The following PDGFRL variants were observed in gnomAD, a reference collection of about 807,000 sequenced individuals.
PDGFRL encodes platelet-derived growth factor receptor-like protein.
Under a neutral mutation model 37.2 loss-of-function variants are expected in PDGFRL, and 46 were observed. The ratio of observed to expected loss-of-function variants is 1.24; its 90% confidence interval spans 0.98 to 1.58. PDGFRL has a LOEUF of 1.58. Among genes scored for constraint, PDGFRL ranks in the 40% most tolerant of loss-of-function variants. PDGFRL has a pLI of 0.00. For synonymous variants in PDGFRL, 251 were observed against 184.3 expected (o/e 1.36, Z -2.93); for missense variants, 692 against 467.6 (o/e 1.48, Z -4.43).
chr8:17,613,245 G>A (rs891607827), intron 2 of PDGFRL, among the ~76,000 whole-genome samples: 2 of 152,146 alleles, frequency 1.3e-5, no homozygotes, highest in South Asian at 4.1e-4. Flanking sequence ...TGGGAGGATC[G>A]CTGGTGTGTC....
intron 1 of PDGFRL, among the ~76,000 whole-genome samples, chr8:17,577,646 G>C (rs1803615864): frequency 6.6e-6 from 1 of 151,816 alleles, no homozygotes; most frequent in African/African-American, 2.4e-5. Flanking sequence ...TGGGAGGTGG[G>C]GCGGGAGCCT....
rs770206106 is a variant in PDGFRL at position 17,577,226 on chromosome 8, T to G, written c.-27T>G. ...CCGCCCCGCGCAGCCGCCGCGCTCC[T>G]GCGCTCCGAGGTCCGAGGTTCCCGA... On this transcript the variant is annotated 5_prime_UTR_variant, in exon 1 of 6. Coordinates refer to ENST00000251630, the MANE Select transcript of PDGFRL (RefSeq NM_001372073.1). 4.7e-5 allele frequency: 75 copies of G among 1,608,886 alleles called. No homozygotes were observed. In the Admixed American group the frequency reaches 1.3e-3, roughly 27 times the overall value.
chr8:17,626,254 A>G (rs144940018), intron 3 of PDGFRL, among the ~76,000 whole-genome samples: 1 of 152,328 alleles, frequency 6.6e-6, no homozygotes, highest in East Asian at 1.9e-4. Flanking sequence ...GGCCATGTAG[A>G]TGGACTCTGT....
intron 4 of PDGFRL, among the ~76,000 whole-genome samples, chr8:17,630,969 A>T (rs749762086): frequency 1.3e-5 from 2 of 151,996 alleles, no homozygotes; most frequent in Non-Finnish European, 2.9e-5. Flanking sequence ...CTCTGTGTCT[A>T]CCTGATCACC....
chr8:17,616,908 A>G (rs543727076), intron 2 of PDGFRL, among the ~76,000 whole-genome samples: 8 of 152,292 alleles, frequency 5.3e-5, no homozygotes, highest in African/African-American at 1.4e-4. Context: ...CAGACAGGAA[A>G]TGGACCCCAC....
chr8:17,616,802 G>A (rs1327792516), intron 2 of PDGFRL, among the ~76,000 whole-genome samples: 2 of 152,068 alleles, frequency 1.3e-5, no homozygotes, highest in East Asian at 3.9e-4. Flanking sequence ...CATTTATTTT[G>A]TACTTACTAA....
chr8:17,595,416 G>C (rs531263581), intron 2 of PDGFRL, among the ~76,000 whole-genome samples: 2 of 152,284 alleles, frequency 1.3e-5, no homozygotes, highest in East Asian at 3.9e-4. Context: ...CTCGGGTAGG[G>C]GCCATGCCCC....
chr8:17,579,485 C>T (rs1407458566), intron 1 of PDGFRL, among the ~76,000 whole-genome samples: 4 of 151,878 alleles, frequency 2.6e-5, no homozygotes, highest in Non-Finnish European at 4.4e-5. Flanking sequence ...CATGACTCAA[C>T]TTGTTTCACT....
chr8:17,592,930 A>G (rs369862751), intron 2 of PDGFRL, among the ~76,000 whole-genome samples: 113,773 of 150,068 alleles, frequency 0.76, 44,632 homozygotes, highest in Non-Finnish European at 0.86. Context: ...ACACACACAC[A>G]CACACACACA....
At chr8:17,598,240 A>G (rs1033469985) in intron 2 of PDGFRL, among the ~76,000 whole-genome samples, 1 of 152,078 alleles carries the variant, frequency 6.6e-6, no homozygotes, top group African/African-American at 2.4e-5. Flanking sequence ...CTAACCAGCA[A>G]AGTGGTGTGT....
At position 17,577,303 on chromosome 8, in the gene PDGFRL, G is replaced by C. The variant is rs750205152; in HGVS notation, c.51G>C (p.Glu17Asp). The change falls in exon 1 of 6, where the codon GAG becomes GAC. Residue 17 changes from glutamate to aspartate, a missense_variant. Transcript: ENST00000251630. ...LGLLLVHEALEDVTGQHLPKN... is the reference protein window; with the variant it reads ...LGLLLVHEALDDVTGQHLPKN... ...TTCTGCTGGTGCACGAAGCGCTGGA[G>C]GATGGTGAGTGACTCTGGGCGCGGG... 3.7e-6 allele frequency: 6 copies of C among 1,612,526 alleles called. No individual in the cohort carries two copies. The highest frequency in any genetic ancestry group is 3.3e-5 in the Admixed American group (2 of 59,924).
intron 2 of PDGFRL, among the ~76,000 whole-genome samples, chr8:17,591,852 G>C (rs957805053): frequency 1.3e-5 from 2 of 152,112 alleles, no homozygotes; most frequent in Non-Finnish European, 2.9e-5. Flanking sequence ...GGAGGCGGAG[G>C]TTGCAGTGAG....
intron 3 of PDGFRL, among the ~76,000 whole-genome samples, chr8:17,622,928 G>T (rs1004830371): frequency 6.6e-6 from 1 of 152,112 alleles, no homozygotes; most frequent in Non-Finnish European, 1.5e-5. Context: ...TGTGTTAAGG[G>T]ATGGAATTTT....
intron 1 of PDGFRL, among the ~76,000 whole-genome samples, chr8:17,588,606 A>G (rs930898367): frequency 1.1e-4 from 16 of 152,148 alleles, no homozygotes; most frequent in African/African-American, 3.9e-4. Context: ...CCAGGAGTTC[A>G]AGGCTACAGT....
intron 4 of PDGFRL, among the ~76,000 whole-genome samples, chr8:17,630,038 T>G (rs1306393007): frequency 6.6e-6 from 1 of 151,934 alleles, no homozygotes; most frequent in Non-Finnish European, 1.5e-5. Flanking sequence ...CAACTAACCT[T>G]CTCCCCATGC....
intron 3 of PDGFRL, among the ~76,000 whole-genome samples, chr8:17,623,872 T>TG (rs1804682315): frequency 3.9e-4 from 3 of 7,642 alleles, no homozygotes; most frequent in African/African-American, 6.0e-4. Flanking sequence ...AGACTTTACC[T>TG]CAAAAAAAAA....
intron 2 of PDGFRL, among the ~76,000 whole-genome samples, chr8:17,609,838 C>A (rs3862079): frequency 0.15 from 22,421 of 151,926 alleles, 1,778 homozygotes; most frequent in South Asian, 0.24. Context: ...AAACTCAAAT[C>A]AAGCCATATT....
At chr8:17,631,594 G>A (rs1008574986) in intron 4 of PDGFRL, among the ~76,000 whole-genome samples, 1 of 150,056 alleles carries the variant, frequency 6.7e-6, no homozygotes, top group Non-Finnish European at 1.5e-5. Context: ...AGCTCTCCAT[G>A]TCCCTCTCCA....
intron 2 of PDGFRL, among the ~76,000 whole-genome samples, chr8:17,606,944 G>GACAATCT (rs1804294477): frequency 7.2e-6 from 1 of 138,812 alleles, no homozygotes; most frequent in Admixed American, 7.7e-5. Context: ...CACCCAGGCT[G>GACAATCT]GAGTGCAGTG....
Sources: gnomAD v4.1 joint callset for allele counts (sites outside exome capture counted in the v4.1 genomes callset) on GRCh38, gnomAD v4.1.1 for gene constraint, MANE v1.5 for transcripts, NCBI Gene and HGNC (gene_info 2026-07-23, HGNC 2026-07-21) for gene names.